Variants in SETDB2 observed in about 807,000 individuals in gnomAD.
SETDB2 encodes SET domain bifurcated histone lysine methyltransferase 2.
A neutral mutation model predicts 82.5 loss-of-function variants in SETDB2; 56 were observed. The observed-to-expected ratio is 0.68, with a 90% confidence interval of 0.55 to 0.85. The LOEUF is 0.85. Among genes scored for constraint, SETDB2 ranks in the 40% least tolerant of loss-of-function variants. SETDB2 has a pLI of 0.00. For missense variants in SETDB2, 677 were observed against 816.4 expected (o/e 0.83, Z 2.08); for synonymous variants, 272 against 284.9 (o/e 0.95, Z 0.46).
At chr13:49,484,399 A>G (rs1249497565) in intron 10 of SETDB2, among the ~76,000 whole-genome samples, 1 of 152,076 alleles carries the variant, frequency 6.6e-6, no homozygotes, top group African/African-American at 2.4e-5. Context: ...CCTCATGAGT[A>G]GCTGGGATTA....
chr13:49,462,390 A>T (rs1958013927), intron 4 of SETDB2, among the ~76,000 whole-genome samples: 1 of 152,200 alleles, frequency 6.6e-6, no homozygotes, highest in Admixed American at 6.5e-5. Context: ...TGGAGATTCC[A>T]AGGGTCTCAG....
At chr13:49,483,281 C>T (rs183616330) in intron 9 of SETDB2, among the ~76,000 whole-genome samples, 183 bp from the exon 10 acceptor site, 12 of 151,966 alleles carry the variant, frequency 7.9e-5, no homozygotes, top group Admixed American at 6.5e-4. Flanking sequence ...TCCAAATGTA[C>T]TTCAAAAATT....
At chr13:49,485,303 A>T (rs1594177800) in intron 10 of SETDB2, among the ~76,000 whole-genome samples, 1 of 152,242 alleles carries the variant, frequency 6.6e-6, no homozygotes, top group Non-Finnish European at 1.5e-5. Flanking sequence ...CAAATTTATA[A>T]TCTAGTAATA....
intron 6 of SETDB2, among the ~76,000 whole-genome samples, chr13:49,477,307 G>A (rs1349924198): frequency 5.3e-5 from 8 of 152,104 alleles, no homozygotes; most frequent in Non-Finnish European, 1.2e-4. Flanking sequence ...ATGGTGGTGT[G>A]CATCTATAGT....
rs1034219072 is a variant in SETDB2, at chr13:49,488,354, A to G, written c.1641A>G (p.Ile547Met). ...ATCTGCTGATTGAATCAGATGTGAT[A>G]GATATAACTAAATATAGAGAAGAAA... ...EDNLLIESDV[I>M]DITKYREETP... The change falls in exon 12 of 14, where the codon ATA (isoleucine) becomes ATG (methionine). Residue 547 changes from isoleucine to methionine, a missense_variant. By Grantham distance (10) the Ile-to-Met change is conservative. This residue lies in a region of SETDB2 where 420 missense variants were observed against 554.6 expected (regional missense o/e 0.76). Transcript: ENST00000611815. The G allele has an allele frequency of 2.5e-6, 4 of 1,610,412 alleles. No homozygotes were observed. Among genetic ancestry groups the G allele is most frequent in the South Asian group, 2.2e-5 (2 of 90,004 alleles).
intron 2 of SETDB2, among the ~76,000 whole-genome samples, chr13:49,459,081 T>G (rs993633730): frequency 1.3e-5 from 2 of 152,228 alleles, no homozygotes; most frequent in Non-Finnish European, 2.9e-5. Flanking sequence ...GTAAGCTTAG[T>G]CTTACATAGT....
intron 2 of SETDB2, among the ~76,000 whole-genome samples, chr13:49,452,253 A>G (rs1957800901): frequency 6.6e-6 from 1 of 152,030 alleles, no homozygotes; most frequent in Non-Finnish European, 1.5e-5. Context: ...CTGGGATTAC[A>G]GGCATGTGCC....
At chr13:49,446,081 T>C (rs1008568351) in intron 1 of SETDB2, 6 of 263,958 alleles carry the variant, frequency 2.3e-5, no homozygotes, top group Middle Eastern at 1.3e-3. Flanking sequence ...AAACTATTAC[T>C]GAGTGTGCTT....
rs1958366267 is a variant in SETDB2, at chr13:49,476,504, CTT to C, written c.335_336del (p.Leu112ArgfsTer3). On this transcript the variant is annotated frameshift_variant, in exon 6 of 14. Transcript: ENST00000611815. LOFTEE classifies it high-confidence loss of function. ...AACAGAAAATAAGGAAATTCTCTCT[CTT>C]GAAGATAAAGTTGTAGACTTTAGAG... ...LTTENKEILS[L>X]EDKVVDFREK... The C allele has an allele frequency of 1.3e-6, 2 of 1,595,150 alleles. No individual in the cohort carries two copies. The highest frequency in any genetic ancestry group is 1.7e-6 in the Non-Finnish European group (2 of 1,171,522).
In SETDB2 at chr13:49,457,097, C is replaced by CT. The variant is rs1023858573; in HGVS notation, c.17-3000dup. Among the ~76,000 whole-genome samples the CT allele has an allele frequency of 3.5e-4, 50 of 144,370 alleles. 1 individual carries two copies. Among genetic ancestry groups the CT allele is most frequent in the African/African-American group, 6.1e-4 (24 of 39,338 alleles). The allele number at this position is 144,370 out of a possible 152,430, so 94.7% of individuals were successfully genotyped here. On this transcript the variant is annotated intron_variant, in intron 2 of 13. Transcript: ENST00000611815. ...GTTTTTAAATTATATTACCAGTGTC[C>CT]TTTTTTTTTTCAAAATCATTTCCAA...
chr13:49,471,198 A>G (rs1184085192), intron 5 of SETDB2, among the ~76,000 whole-genome samples: 2 of 151,080 alleles, frequency 1.3e-5, no homozygotes, highest in African/African-American at 2.4e-5. Context: ...GCAGGTCGTG[A>G]ACTCCTAGTC....
At chr13:49,478,771 C>T (rs1010783116) in intron 6 of SETDB2, among the ~76,000 whole-genome samples, 1 of 151,914 alleles carries the variant, frequency 6.6e-6, no homozygotes, top group East Asian at 1.9e-4. Context: ...TACAAAAATA[C>T]AAAAGTTAGC....
chr13:49,461,403 TG>T (rs781548176), intron 4 of SETDB2, among the ~76,000 whole-genome samples: 20 of 152,084 alleles, frequency 1.3e-4, no homozygotes, highest in Non-Finnish European at 2.6e-4. Flanking sequence ...GTGTCGTCTT[TG>T]GGGGAAAAAA....
Position 49,467,893 on chromosome 13 carries a change from G to C in SETDB2, c.238G>C (p.Glu80Gln). The change falls in exon 5 of 14, where the codon GAA becomes CAA. Residue 80 changes from glutamate (E) to glutamine (Q), a missense_variant. This residue lies in a region of SETDB2 where 243 missense variants were observed against 237.2 expected (regional missense o/e 1.02). Transcript: ENST00000611815. ...TATGCCTGTGACTCAGAAGGAACAGGAAAACAAATCCAATGCATTTCCCTC... is the reference window on the plus strand; with the variant it reads ...TATGCCTGTGACTCAGAAGGAACAGCAAAACAAATCCAATGCATTTCCCTC... ...DPMPVTQKEQ[E>Q]NKSNAFPSTS... The C allele has an allele frequency of 6.2e-7, 1 of 1,610,508 alleles. No individual in the cohort carries two copies. The highest frequency in any genetic ancestry group is 8.5e-7 in the Non-Finnish European group (1 of 1,178,752).
chr13:49,460,480 CAA>C (rs1957970910), intron 3 of SETDB2, among the ~76,000 whole-genome samples: 1 of 151,760 alleles, frequency 6.6e-6, no homozygotes, highest in African/African-American at 2.4e-5. Flanking sequence ...AAAAATATAA[CAA>C]GGAAAAATTA....
At chr13:49,474,839 A>G (rs2038638) in intron 5 of SETDB2, among the ~76,000 whole-genome samples, 80,552 of 152,126 alleles carry the variant, frequency 0.53, 21,475 homozygotes, top group Middle Eastern at 0.57. Flanking sequence ...AATCAAAATT[A>G]GATAAAATGT....
In SETDB2 at chr13:49,461,143, C is replaced by T. The variant is rs1957984925; in HGVS notation, c.189C>T (p.Asn63=). ...TAGTGAATGAAGCAACTATAATTAA[C>T]AGTTCAACATCAATAAAGGGTATGT... The part of the protein sequence containing the change: ...MILVNEATII[N]SSTSIKDPMP... Residue 63 remains asparagine (N), a synonymous_variant, in exon 4 of 14, where the codon AAC becomes AAT. Transcript: ENST00000611815. 3.1e-6 allele frequency: 5 copies of T among 1,609,038 alleles called. No individual in the cohort carries two copies. Among genetic ancestry groups the T allele is most frequent in the Non-Finnish European group, 4.3e-6 (5 of 1,175,968 alleles).
intron 2 of SETDB2, among the ~76,000 whole-genome samples, chr13:49,459,471 G>A (rs533949548): frequency 6.6e-6 from 1 of 152,104 alleles, no homozygotes; most frequent in South Asian, 2.1e-4. Context: ...AGCATTTTAG[G>A]TATTTTTGTT....
rs896143854 is a variant in SETDB2 at position 49,494,753 on chromosome 13, C to G, written c.*2904C>G. On this transcript the variant is annotated 3_prime_UTR_variant, in exon 14 of 14. Coordinates refer to ENST00000611815, the MANE Select transcript of SETDB2 (RefSeq NM_001160308.3). The stretch of plus-strand genomic sequence containing the variant: ...TAGTTGTCAAGACTATACAAATTGT[C>G]CTTTTTAATGTTCTCTCTTCTGCTA... The G allele has an allele frequency of 5.9e-5, 9 of 152,176 alleles. No individual in the cohort carries two copies. Among genetic ancestry groups the G allele is most frequent in the Non-Finnish European group, 1.2e-4 (8 of 68,030 alleles). The allele number at this position is 152,176 out of a possible 1,614,324, so 9.4% of individuals were successfully genotyped here. A position where few individuals can be genotyped will look rare whatever the true frequency, so the allele number is the denominator to read the frequency against.
Sources: allele counts gnomAD v4.1 joint callset (sites outside exome capture counted in the v4.1 genomes callset), GRCh38; gene constraint gnomAD v4.1.1; regional missense constraint gnomAD v4.1.1; transcripts MANE v1.5; gene names NCBI Gene and HGNC (gene_info 2026-07-23, HGNC 2026-07-21).